Variants in NRG3 observed in about 807,000 individuals in gnomAD.
NRG3 encodes neuregulin 3.
In NRG3, 31 loss-of-function variants were observed where a neutral mutation model predicts 66.9. The observed-to-expected ratio is 0.46, with a 90% CI of 0.35 to 0.63. The LOEUF is 0.63. Ranked by LOEUF, NRG3 falls within the 20% of genes least tolerant of loss-of-function variation. The probability of loss-of-function intolerance (pLI) is 0.00; values close to 1 mark genes in which losing one functional copy is unlikely to be tolerated. For synonymous variants in NRG3, 393 were observed against 359.4 expected, an observed-to-expected ratio of 1.09 and a Z score of -1.06; for missense variants, 910 against 878.9, an observed-to-expected ratio of 1.04 and a Z score of -0.45.
chr10:82,905,298 T>G (rs1475184428), intron 4 of NRG3, among the ~76,000 whole-genome samples: 1 of 152,188 alleles, frequency 6.6e-6, no homozygotes, highest in Non-Finnish European at 1.5e-5. Context: ...TCCGATTGTC[T>G]TAATCCATCC....
intron 2 of NRG3, among the ~76,000 whole-genome samples, chr10:82,640,078 G>A (rs527646728): frequency 4.6e-5 from 7 of 152,184 alleles, no homozygotes; most frequent in South Asian, 4.1e-4. Context: ...AGTTCCATCC[G>A]TGTTCCTGCA....
chr10:82,430,477 T>C (rs1357254852), intron 2 of NRG3, among the ~76,000 whole-genome samples: 1 of 152,174 alleles, frequency 6.6e-6, no homozygotes, highest in Non-Finnish European at 1.5e-5. Flanking sequence ...CAGGATGGTC[T>C]CGATCTCCTG....
chr10:82,348,205 C>T (rs1487083560), intron 1 of NRG3, among the ~76,000 whole-genome samples: 1 of 152,182 alleles, frequency 6.6e-6, no homozygotes, highest in Non-Finnish European at 1.5e-5. Flanking sequence ...GCAGCTGGTA[C>T]CTGTTGTTCT....
rs113004469 is a variant in NRG3, at chr10:82,820,018, G to C, written c.1028-45393G>C. ...TGGAGAAACTCAGTGAACACAGATG[G>C]GTCCGGAAATGCACACAGGACATCA... On this transcript the variant is annotated intron_variant, in intron 3 of 8. Transcript: ENST00000372141. Among the ~76,000 whole-genome samples the C allele has an allele frequency of 7.4e-3, 1,122 of 152,252 alleles. 7 individuals carry two copies. The highest frequency in any genetic ancestry group is 0.011 in the Non-Finnish European group (742 of 68,010).
chr10:82,096,714 G>T (rs187008667), intron 1 of NRG3, among the ~76,000 whole-genome samples: 1 of 151,976 alleles, frequency 6.6e-6, no homozygotes, highest in Non-Finnish European at 1.5e-5. Flanking sequence ...TGGAAGACAG[G>T]CATATATAAC....
intron 2 of NRG3, among the ~76,000 whole-genome samples, chr10:82,373,447 C>T (rs1358073076): frequency 1.3e-5 from 2 of 152,182 alleles, no homozygotes; most frequent in Non-Finnish European, 2.9e-5. Context: ...AGCCTGGCCT[C>T]CCTGGAGTCC....
At chr10:82,521,600 A>G (rs1846192644) in intron 2 of NRG3, among the ~76,000 whole-genome samples, 1 of 152,090 alleles carries the variant, frequency 6.6e-6, no homozygotes, top group Admixed American at 6.5e-5. Context: ...TTGGCCTCCC[A>G]AAGTGCTGGG....
At chr10:81,934,587 G>T (rs1455505774) in intron 1 of NRG3, among the ~76,000 whole-genome samples, 3 of 152,166 alleles carry the variant, frequency 2.0e-5, no homozygotes, top group African/African-American at 7.2e-5. Context: ...TACTGTAATA[G>T]ATGGAGAGAT....
At chr10:82,158,638 G>A (rs750930643) in intron 1 of NRG3, among the ~76,000 whole-genome samples, 4 of 151,788 alleles carry the variant, frequency 2.6e-5, no homozygotes, top group Admixed American at 2.0e-4. Flanking sequence ...TGAGGAGTTT[G>A]CAAATTTATT....
chr10:82,244,768 C>T (rs1030933243), intron 1 of NRG3, among the ~76,000 whole-genome samples: 1 of 152,092 alleles, frequency 6.6e-6, no homozygotes, highest in Non-Finnish European at 1.5e-5. Flanking sequence ...GAGTCTTGCT[C>T]TGTCACCCAG....
chr10:82,522,612 G>A (rs777753892), intron 2 of NRG3, among the ~76,000 whole-genome samples: 1 of 151,888 alleles, frequency 6.6e-6, no homozygotes, highest in Non-Finnish European at 1.5e-5. Flanking sequence ...CAGTACACGT[G>A]CTCAATACTT....
intron 1 of NRG3, among the ~76,000 whole-genome samples, chr10:81,985,642 A>T (rs1422792796): frequency 6.6e-6 from 1 of 152,240 alleles, no homozygotes; most frequent in Non-Finnish European, 1.5e-5. Context: ...AAGCAGGCAG[A>T]GGAAGATGAA....
chr10:82,080,327 A>G (rs546251488), intron 1 of NRG3, among the ~76,000 whole-genome samples: 24 of 152,210 alleles, frequency 1.6e-4, no homozygotes, highest in Admixed American at 1.5e-3. Flanking sequence ...TTTGCCCTTT[A>G]TCTCTTCAGT....
chr10:82,491,293 A>AATATATATATATACATATAT (rs1554942717), intron 2 of NRG3, among the ~76,000 whole-genome samples: 1 of 82,186 alleles, frequency 1.2e-5, no homozygotes, highest in Non-Finnish European at 2.8e-5. Context: ...GTTCCCATAA[A>AATATATATATATACATATAT]ATATATATAT....
intron 2 of NRG3, among the ~76,000 whole-genome samples, chr10:82,696,808 T>G (rs1041413061): frequency 5.3e-5 from 8 of 152,206 alleles, no homozygotes; most frequent in African/African-American, 1.9e-4. Context: ...TATGACTTTG[T>G]CTTAGTGAAT....
intron 3 of NRG3, among the ~76,000 whole-genome samples, chr10:82,861,691 C>A (rs1318808118): frequency 1.3e-5 from 2 of 152,186 alleles, no homozygotes; most frequent in Non-Finnish European, 2.9e-5. Context: ...AGATGACAGG[C>A]AGCCAATTCT....
chr10:82,556,328 A>G (rs1252713056), intron 2 of NRG3, among the ~76,000 whole-genome samples: 1 of 151,994 alleles, frequency 6.6e-6, no homozygotes, highest in Non-Finnish European at 1.5e-5. Context: ...CATGGTGAAG[A>G]TGTTTCTGGC....
At chr10:82,940,199 C>G (rs186405068) in intron 4 of NRG3, among the ~76,000 whole-genome samples, 88 of 152,264 alleles carry the variant, frequency 5.8e-4, no homozygotes, top group Admixed American at 1.8e-3. Context: ...GGCAGATTAA[C>G]TTGCTAGGGC....
chr10:82,092,645 A>C (rs957306704), intron 1 of NRG3, among the ~76,000 whole-genome samples: 1 of 152,178 alleles, frequency 6.6e-6, no homozygotes, highest in Non-Finnish European at 1.5e-5. Flanking sequence ...GAGAAGCACT[A>C]TGAAATTTGT....
Sources: allele counts gnomAD v4.1 joint callset (sites outside exome capture counted in the v4.1 genomes callset), GRCh38; gene constraint gnomAD v4.1.1; transcripts MANE v1.5; gene names NCBI Gene and HGNC (gene_info 2026-07-23, HGNC 2026-07-21).